Variants in C4orf36 observed in about 807,000 individuals in gnomAD.
The protein encoded by C4orf36 is uncharacterized protein C4orf36.
In C4orf36, 11 loss-of-function variants were observed where a neutral mutation model predicts 12.2. The ratio of observed to expected loss-of-function variants is 0.90; its 90% CI spans 0.57 to 1.49. The LOEUF is 1.49. Ranked by LOEUF, C4orf36 falls within the 40% of genes most tolerant of loss-of-function variation. The pLI is 0.00. For missense variants in C4orf36, 137 were observed against 133.9 expected, an observed-to-expected ratio of 1.02 and a Z score of -0.11; for synonymous variants, 54 against 51.3, an observed-to-expected ratio of 1.05 and a Z score of -0.22.
rs1368325926 is a variant in C4orf36 at position 86,881,011 on chromosome 4, C to A, written c.*3-4568G>T. Reference sequence around the variant, plus strand: ...TCACACCACTCGACTCCAGCCTGGGCAACAGAGTGAGATTCCGCCTCAAAA... The same window carrying A: ...TCACACCACTCGACTCCAGCCTGGGAAACAGAGTGAGATTCCGCCTCAAAA... On this transcript the variant is annotated intron_variant, in intron 4 of 4. Transcript: ENST00000295898. 5.1e-5 allele frequency among the ~76,000 whole-genome samples: 7 copies of A among 137,168 alleles called. No homozygotes were observed. In the East Asian group the frequency reaches 1.3e-3, roughly 25 times the overall value. The allele number at this position is 137,168 out of a possible 152,430, so 90.0% of individuals were successfully genotyped here. A position where few individuals can be genotyped will look rare whatever the true frequency, so the allele number is the denominator to read the frequency against.
At chr4:86,903,369 G>A in the C4orf36 span, among the ~76,000 whole-genome samples, 1,500 of 152,244 alleles carry the variant, frequency 9.9e-3, 31 homozygotes, top group African/African-American at 0.034. Flanking sequence ...AAATTAGCTG[G>A]GTGTGGTGGT....
the C4orf36 span, among the ~76,000 whole-genome samples, chr4:86,917,257 G>A: frequency 6.6e-6 from 1 of 151,690 alleles, no homozygotes; most frequent in African/African-American, 2.4e-5. Flanking sequence ...TGCACCCGGG[G>A]CAGCAGAATC....
the C4orf36 span, among the ~76,000 whole-genome samples, chr4:86,901,442 C>T: frequency 1.3e-5 from 2 of 152,060 alleles, no homozygotes; most frequent in Non-Finnish European, 2.9e-5. Flanking sequence ...GAGTCTCTAT[C>T]TGTCGCCCAG....
In C4orf36 at chr4:86,888,140, T is replaced by G; in HGVS notation, c.201A>C (p.Gly67=). The G allele has an allele frequency of 6.2e-7, 1 of 1,613,700 alleles. No individual in the cohort carries two copies. The highest frequency in any genetic ancestry group is 1.1e-5 in the South Asian group (1 of 90,876). ...ACTTACATTCTGCAGAAGGGAGCAGTCCATCTTTAATGGTGGTACATTTTG... is the reference window on the plus strand; with the variant it reads ...ACTTACATTCTGCAGAAGGGAGCAGGCCATCTTTAATGGTGGTACATTTTG... The part of the protein sequence containing the change: ...QLTKCTTIKD[G]LLPSAESIKL... Residue 67 remains glycine, a synonymous_variant, in exon 3 of 5, where the codon GGA becomes GGC. Coordinates refer to ENST00000295898, the MANE Select transcript of C4orf36 (RefSeq NM_144645.4).
chr4:86,880,333 G>A (rs750764198), intron 4 of C4orf36, among the ~76,000 whole-genome samples: 1 of 152,184 alleles, frequency 6.6e-6, no homozygotes, highest in Non-Finnish European at 1.5e-5. Flanking sequence ...TTAGCCAGGC[G>A]TGGTGGTGCT....
At chr4:86,914,130 G>A in the C4orf36 span, 7 of 1,601,362 alleles carry the variant, frequency 4.4e-6, no homozygotes, top group South Asian at 7.7e-5. Flanking sequence ...GTAACAAACA[G>A]AAATGAATCG....
At chr4:86,913,322 T>C in the C4orf36 span, 1 of 790,296 alleles carries the variant, frequency 1.3e-6, no homozygotes. Context: ...GCTCCACCGA[T>C]GTCAGTAGTG....
At chr4:86,914,736 G>T in the C4orf36 span, 1 of 424,382 alleles carries the variant, frequency 2.4e-6, no homozygotes, top group South Asian at 2.0e-5. Flanking sequence ...GGTGATTATT[G>T]GAACTGAGGG....
upstream of C4orf36, among the ~76,000 whole-genome samples, chr4:86,895,724 CCT>C (rs953743415): frequency 4.8e-5 from 7 of 146,220 alleles, no homozygotes; most frequent in Non-Finnish European, 9.3e-5. Flanking sequence ...AATTTCTTCC[CCT>C]CTCTCTCCCT....
chr4:86,920,270 TC>T, the C4orf36 span, among the ~76,000 whole-genome samples: 867 of 152,266 alleles, frequency 5.7e-3, 13 homozygotes, highest in African/African-American at 0.02. Context: ...ACTTAAGTAA[TC>T]TATAATTAGT....
chr4:86,888,177 G>A lies in C4orf36; in HGVS notation c.164C>T (p.Ser55Phe). 6.2e-7 allele frequency: 1 copy of A among 1,614,132 alleles called. No individual in the cohort carries two copies. Among genetic ancestry groups the A allele is most frequent in the East Asian group, 2.2e-5 (1 of 44,864 alleles). ...GGTGGTACATTTTGTGAGCTGCACA[G>A]AACCACCAAATGAAATTTCTTCCAA... The part of the protein sequence containing the change: ...PFLEEISFGG[S>F]VQLTKCTTIK... The change falls in exon 3 of 5, where the codon TCT (serine) becomes TTT (phenylalanine). Residue 55 changes from serine to phenylalanine, a missense_variant. Transcript: ENST00000295898.
chr4:86,889,668 C>T (rs1171122561), intron 2 of C4orf36, among the ~76,000 whole-genome samples: 1 of 152,084 alleles, frequency 6.6e-6, no homozygotes, highest in East Asian at 1.9e-4. Context: ...CTTTGGGAGG[C>T]AGAGGCAGAG....
upstream of C4orf36, among the ~76,000 whole-genome samples, chr4:86,893,981 C>A (rs1747531320): frequency 6.6e-6 from 1 of 151,894 alleles, no homozygotes; most frequent in African/African-American, 2.4e-5. Context: ...ACTGCAAGCT[C>A]TGCCTCCCGG....
the C4orf36 span, among the ~76,000 whole-genome samples, chr4:86,920,290 T>C: frequency 6.6e-6 from 1 of 152,274 alleles, no homozygotes; most frequent in East Asian, 1.9e-4. Context: ...GTCTCAGCCC[T>C]TCCCTGCAGC....
the C4orf36 span, among the ~76,000 whole-genome samples, chr4:86,899,500 T>G: frequency 1.3e-5 from 2 of 152,264 alleles, no homozygotes; most frequent in South Asian, 2.1e-4. Flanking sequence ...TAGAGTCTAC[T>G]CAGTTTCTAA....
At chr4:86,907,883 T>G in the C4orf36 span, among the ~76,000 whole-genome samples, 1 of 150,804 alleles carries the variant, frequency 6.6e-6, no homozygotes, top group South Asian at 2.1e-4. Flanking sequence ...GCAGGAGAAT[T>G]GCTTGACCCG....
chr4:86,879,279 C>G (rs1746992107), intron 4 of C4orf36, among the ~76,000 whole-genome samples: 1 of 152,020 alleles, frequency 6.6e-6, no homozygotes, highest in Non-Finnish European at 1.5e-5. Flanking sequence ...GCTAAGTGAG[C>G]TAACAGAGAA....
chr4:86,915,546 G>A, the C4orf36 span, among the ~76,000 whole-genome samples: 1 of 152,164 alleles, frequency 6.6e-6, no homozygotes, highest in African/African-American at 2.4e-5. Context: ...CACTTTGGGA[G>A]GCCGAGGGGG....
the C4orf36 span, among the ~76,000 whole-genome samples, chr4:86,900,038 CT>C: frequency 9.4e-4 from 136 of 144,530 alleles, no homozygotes; most frequent in Middle Eastern, 3.6e-3. Context: ...TGATAGGCAG[CT>C]TTTTTTTTTT....
Sources: allele counts gnomAD v4.1 joint callset (sites outside exome capture counted in the v4.1 genomes callset), GRCh38; gene constraint gnomAD v4.1.1; transcripts MANE v1.5; gene names NCBI Gene and HGNC (gene_info 2026-07-23, HGNC 2026-07-21).